The following MTHFD1 variants were observed in gnomAD, a reference collection of about 807,000 sequenced individuals.
MTHFD1 encodes methylenetetrahydrofolate dehydrogenase, cyclohydrolase and formyltetrahydrofolate synthetase 1.
MTHFD1 carries 44 observed loss-of-function variants against 110.3 expected under a neutral mutation model. The observed-to-expected ratio is 0.40, with a 90% CI of 0.31 to 0.51. MTHFD1 has a LOEUF of 0.51. Ranked by LOEUF, MTHFD1 falls within the 20% of genes least tolerant of loss-of-function variation. The pLI is 0.60. For missense variants in MTHFD1, 909 were observed against 1,173.1 expected (o/e 0.77, Z 3.29); for synonymous variants, 402 against 428.8 (o/e 0.94, Z 0.77).
chr14:64,424,771 G>A (rs775793671), intron 8 of MTHFD1, 33 bp from the exon 9 acceptor site: 1 of 1,612,450 alleles, frequency 6.2e-7, no homozygotes, highest in Non-Finnish European at 8.5e-7. Context: ...GTGATTCTGA[G>A]ACTTAGTTTT....
intron 1 of MTHFD1, among the ~76,000 whole-genome samples, chr14:64,399,612 T>C (rs61984459): frequency 0.068 from 9,640 of 141,928 alleles, 442 homozygotes; most frequent in Non-Finnish European, 0.091. Context: ...TGAGCAGATA[T>C]CGCACCATTG....
In MTHFD1 at chr14:64,433,713, C is replaced by CTTTT. The variant is rs1270622250; in HGVS notation, c.1494+1852_1494+1853insTTTT. On this transcript the variant is annotated intron_variant, in intron 15 of 27. Transcript: ENST00000652337. ...TACTTGCATGAACCACTGAGCTCAG[C>CTTTT]ATTTTTTTTTTTTTTTTTTTTTTAA... is the stretch of plus-strand genomic sequence containing the variant. Among the ~76,000 whole-genome samples, 107 of 133,206 alleles carry CTTTT rather than the reference C, an allele frequency of 8.0e-4. 7 individuals carry two copies. The highest frequency in any genetic ancestry group is 1.8e-3 in the African/African-American group (63 of 34,066). 87.4% of individuals were successfully genotyped at this position (133,206 alleles called of 152,430 possible). A position where few individuals can be genotyped will look rare whatever the true frequency, so the allele number is the denominator to read the frequency against.
intron 16 of MTHFD1, among the ~76,000 whole-genome samples, chr14:64,438,616 T>C (rs2078224515): frequency 6.6e-6 from 1 of 152,190 alleles, no homozygotes; most frequent in Admixed American, 6.5e-5. Flanking sequence ...CTGCTAAGTG[T>C]GCTATGTTTC....
chr14:64,444,027 G>T (rs996955168), intron 21 of MTHFD1, among the ~76,000 whole-genome samples: 8 of 151,810 alleles, frequency 5.3e-5, no homozygotes, highest in African/African-American at 1.9e-4. Flanking sequence ...CCCATGGTGG[G>T]GCCCATGAAA....
rs143728757 is a variant in MTHFD1, at chr14:64,418,401, C to T, written c.615+377C>T. Among the ~76,000 whole-genome samples the T allele has an allele frequency of 4.0e-3, 571 of 144,484 alleles. 4 individuals are homozygous for T. The highest frequency in any genetic ancestry group is 0.014 in the African/African-American group (548 of 39,052). The allele number at this position is 144,484 out of a possible 152,430, so 94.8% of individuals were successfully genotyped here. A position where few individuals can be genotyped will look rare whatever the true frequency, so the allele number is the denominator to read the frequency against. ...AGGAGGTCGAGGCTGCAGTAAGCTA[C>T]GATCACACCACTGCACTCCAGCCTG... is the stretch of plus-strand genomic sequence containing the variant. On this transcript the variant is annotated intron_variant, in intron 7 of 27. Transcript: ENST00000652337.
chr14:64,427,777 G>A (rs1237460875), intron 12 of MTHFD1, among the ~76,000 whole-genome samples: 1 of 152,164 alleles, frequency 6.6e-6, no homozygotes, highest in Non-Finnish European at 1.5e-5. Context: ...CATAGCTACT[G>A]ATCATCTTAC....
At chr14:64,457,890 A>G (rs2078500937) in intron 26 of MTHFD1, 1 of 400,878 alleles carries the variant, frequency 2.5e-6, no homozygotes, top group African/African-American at 2.0e-5. Flanking sequence ...AGGAAAAGTG[A>G]AAGTAAAGAT....
intron 8 of MTHFD1, among the ~76,000 whole-genome samples, chr14:64,424,030 T>C (rs574488651): frequency 6.6e-6 from 1 of 152,294 alleles, no homozygotes; most frequent in East Asian, 1.9e-4. Context: ...TGCCTCCACC[T>C]TGGAGCTTCT....
intron 12 of MTHFD1, among the ~76,000 whole-genome samples, chr14:64,428,057 G>A (rs878990583): frequency 3.3e-5 from 5 of 149,426 alleles, no homozygotes; most frequent in African/African-American, 7.4e-5. Flanking sequence ...TACCATACTC[G>A]CACTTTACCT....
intron 26 of MTHFD1, among the ~76,000 whole-genome samples, chr14:64,456,668 T>A (rs1723360819): frequency 6.6e-6 from 1 of 152,226 alleles, no homozygotes. Flanking sequence ...TAAGGACCCA[T>A]CCTTTCCTCT....
At chr14:64,439,663 G>A (rs1177215732) in intron 17 of MTHFD1, among the ~76,000 whole-genome samples, 1 of 151,996 alleles carries the variant, frequency 6.6e-6, no homozygotes, top group Admixed American at 6.6e-5. Flanking sequence ...CACTTTGGGA[G>A]GCCGAGGCGG....
At chr14:64,437,045 T>G (rs1000447083) in intron 16 of MTHFD1, among the ~76,000 whole-genome samples, 3 of 152,194 alleles carry the variant, frequency 2.0e-5, no homozygotes, top group African/African-American at 7.2e-5. Context: ...GGTATGAAAT[T>G]ATGACAGTCT....
chr14:64,432,933 T>G (rs1444796374), intron 15 of MTHFD1, among the ~76,000 whole-genome samples: 1 of 152,130 alleles, frequency 6.6e-6, no homozygotes, highest in East Asian at 1.9e-4. Context: ...ATTTTTTATT[T>G]TATTTTTTTG....
chr14:64,448,198 T>G lies in MTHFD1; in HGVS notation c.2179-19T>G. 2.5e-6 allele frequency: 4 copies of G among 1,596,750 alleles called. No homozygotes were observed. The highest frequency in any genetic ancestry group is 3.4e-6 in the Non-Finnish European group (4 of 1,164,360). On this transcript the variant is annotated intron_variant, in intron 22 of 27. Coordinates refer to ENST00000652337, the MANE Select transcript of MTHFD1 (RefSeq NM_005956.4). The stretch of plus-strand genomic sequence containing the variant: ...TTCAACTCTCTGATCTCATAGGCCT[T>G]TCACTGTTGTTTTTACAGAACCTGG...
In MTHFD1 at chr14:64,442,409, G is replaced by A. The variant is rs771962508; in HGVS notation, c.2136+7G>A. ...GCACGGGGGCGGCCCCACGGTGAGT[G>A]GTGGGTTGAAGTATCTGATTATCGG... On this transcript the variant is annotated splice_region_variant and intron_variant, in intron 21 of 27. Transcript: ENST00000652337. The A allele has an allele frequency of 7.4e-6, 12 of 1,613,928 alleles. No homozygotes were observed. The highest frequency in any genetic ancestry group is 6.7e-5 in the East Asian group (3 of 44,874).
rs34166790 is a variant in MTHFD1 at position 64,408,285 on chromosome 14, C to CCTTTTTTTTTTTTTTTTTTTT, written c.127-2805_127-2804insCTTTTTTTTTTTTTTTTTTTT. ...CCACCTTCAAGGAGAAATCAGCATT[C>CCTTTTTTTTTTTTTTTTTTTT]TTTTTTTTTTTTTTTTTTTTGAGAT... On this transcript the variant is annotated intron_variant, in intron 2 of 27. Coordinates refer to ENST00000652337, the MANE Select transcript of MTHFD1 (RefSeq NM_005956.4). Among the ~76,000 whole-genome samples, 8 of 121,208 alleles carry CCTTTTTTTTTTTTTTTTTTTT rather than the reference C, an allele frequency of 6.6e-5. 3 individuals carry two copies. Among genetic ancestry groups the CCTTTTTTTTTTTTTTTTTTTT allele is most frequent in the Non-Finnish European group, 3.3e-5 (2 of 60,678 alleles). The allele number at this position is 121,208 out of a possible 152,430, so 79.5% of individuals were successfully genotyped here.
At chr14:64,439,655 C>T (rs915227721) in intron 17 of MTHFD1, among the ~76,000 whole-genome samples, 6 of 151,808 alleles carry the variant, frequency 4.0e-5, no homozygotes, top group Admixed American at 2.0e-4. Flanking sequence ...AATCCCAGCA[C>T]TTTGGGAGGC....
At chr14:64,426,319 TG>T (rs930131743) in intron 11 of MTHFD1, 127 bp downstream of exon 11, 1 of 994,560 alleles carries the variant, frequency 1.0e-6, no homozygotes. Flanking sequence ...CACCCGTATT[TG>T]ATCTCATTTG....
chr14:64,418,757 T>C (rs535261561), intron 7 of MTHFD1, among the ~76,000 whole-genome samples: 2 of 151,966 alleles, frequency 1.3e-5, no homozygotes, highest in East Asian at 3.9e-4. Flanking sequence ...GGTTTCTCCA[T>C]GTTGGTCAGG....
Sources: gnomAD v4.1 joint callset for allele counts (sites outside exome capture counted in the v4.1 genomes callset) on GRCh38, gnomAD v4.1.1 for gene constraint, MANE v1.5 for transcripts, NCBI Gene and HGNC (gene_info 2026-07-23, HGNC 2026-07-21) for gene names.